The following ITGA2B variants were observed in gnomAD, a reference collection of about 807,000 sequenced individuals.
ITGA2B encodes the protein integrin alpha-IIb.
ITGA2B carries 91 observed loss-of-function variants against 142.0 expected under a neutral mutation model. The observed-to-expected ratio is 0.64, with a 90% CI of 0.54 to 0.76. The LOEUF is 0.76. Among genes scored for constraint, ITGA2B ranks in the 30% least tolerant of loss-of-function variants. The pLI, the probability that ITGA2B is intolerant of heterozygous loss-of-function variation, is 0.00. For missense variants in ITGA2B, 1,231 were observed against 1,350.8 expected, an observed-to-expected ratio of 0.91 and a Z score of 1.39; for synonymous variants, 536 against 567.2, an observed-to-expected ratio of 0.94 and a Z score of 0.78.
rs772502781 is a variant in ITGA2B at position 44,375,888 on chromosome 17, A to G, written c.2546T>C (p.Ile849Thr). Residue 849 changes from isoleucine to threonine, a missense_variant, in exon 25 of 30, where the codon ATA becomes ACA. Coordinates refer to ENST00000262407, the MANE Select transcript of ITGA2B (RefSeq NM_000419.5). ...QPSDLLYILD[I>T]QPQGGLQCFP... ...GCACTGAAGGCCCCCCTGGGGCTGT[A>G]TATCCAGGATGTAGAGCAGGTCGGA... 6.2e-7 allele frequency: 1 copy of G among 1,609,276 alleles called. No individual in the cohort carries two copies. The highest frequency in any genetic ancestry group is 1.3e-5 in the African/African-American group (1 of 74,896).
chr17:44,379,666 G>GGCCTGTCCCT (rs764584510), intron 18 of ITGA2B, 23 bp downstream of exon 18: 2 of 1,613,604 alleles, frequency 1.2e-6, no homozygotes, highest in African/African-American at 2.7e-5. Context: ...GCACCTCCCT[G>GGCCTGTCCCT]GCCTGTCCCT....
Position 44,385,722 on chromosome 17 carries a change from G to A in ITGA2B, c.409-6C>T. The A allele has an allele frequency of 1.2e-6, 2 of 1,613,614 alleles. No individual in the cohort carries two copies. The highest frequency in any genetic ancestry group is 2.7e-5 in the African/African-American group (2 of 75,062). On this transcript the variant is annotated splice_region_variant and splice_polypyrimidine_tract_variant and intron_variant, in intron 3 of 29. Transcript: ENST00000262407. ...TGCTGCCAGGGGGCGCAGGCCTGGA[G>A]AAAGGCCACAGGAGTGGGGACGGGC...
In ITGA2B at chr17:44,383,721, T is replaced by C; in HGVS notation, c.999-17A>G. On this transcript the variant is annotated splice_polypyrimidine_tract_variant and intron_variant, in intron 11 of 29. Transcript: ENST00000262407. ...TCATGCCTCCTGTGGGCCAGATGAG[T>C]GGTTACATGGGACTGGACCAGGGGT... 1.3e-6 allele frequency: 2 copies of C among 1,562,698 alleles called. No homozygotes were observed. Among genetic ancestry groups the C allele is most frequent in the Non-Finnish European group, 1.7e-6 (2 of 1,153,110 alleles).
intron 21 of ITGA2B, among the ~76,000 whole-genome samples, chr17:44,377,320 C>T (rs754729428): frequency 4.6e-5 from 7 of 152,030 alleles, no homozygotes; most frequent in South Asian, 2.1e-4. Flanking sequence ...CTCAACCTCC[C>T]GAGTAGCTCT....
At chr17:44,375,142 G>A in intron 26 of ITGA2B, 31 bp from the exon 27 acceptor site, 1 of 1,525,104 alleles carries the variant, frequency 6.6e-7, no homozygotes, top group South Asian at 1.2e-5. Flanking sequence ...TCCCCAGCCC[G>A]TCCCGGCCCA....
intron 4 of ITGA2B, 91 bp downstream of exon 4, chr17:44,385,460 A>G: frequency 6.6e-7 from 1 of 1,522,878 alleles, no homozygotes; most frequent in Non-Finnish European, 8.8e-7. Flanking sequence ...GCCAGATCCA[A>G]AGCAAGGGCT....
At chr17:44,385,760 C>A in intron 3 of ITGA2B, 44 bp from the exon 4 acceptor site, 1 of 1,613,028 alleles carries the variant, frequency 6.2e-7, no homozygotes, top group South Asian at 1.1e-5. Context: ...GAGACTTGGG[C>A]TCCTCCTGGC....
At chr17:44,387,029 G>C (rs1473599735) in intron 1 of ITGA2B, among the ~76,000 whole-genome samples, 5 of 152,092 alleles carry the variant, frequency 3.3e-5, no homozygotes, top group Non-Finnish European at 7.4e-5. Flanking sequence ...GGGAGGCCAA[G>C]GGATTACAGG....
At chr17:44,376,555 G>C (rs1218832168) in intron 22 of ITGA2B, among the ~76,000 whole-genome samples, 167 bp from the exon 23 acceptor site, 3 of 152,058 alleles carry the variant, frequency 2.0e-5, no homozygotes, top group African/African-American at 7.2e-5. Context: ...CCAAGACTCA[G>C]ACATAAATCT....
At chr17:44,385,512 G>A (rs1453185558) in intron 4 of ITGA2B, 39 bp downstream of exon 4, 2 of 1,536,468 alleles carry the variant, frequency 1.3e-6, no homozygotes, top group Non-Finnish European at 1.7e-6. Flanking sequence ...GGGCCAAGCC[G>A]TCGCGAGTGG....
rs2048503685 is a variant in ITGA2B at position 44,372,287 on chromosome 17, T to C, written c.*77A>G. ...AATGGAACAGCTCCAACCCAAAGCT[T>C]GGAGGCAACTTGTTGGAGAAGGGGC... On this transcript the variant is annotated 3_prime_UTR_variant, in exon 30 of 30. Coordinates refer to ENST00000262407, the MANE Select transcript of ITGA2B (RefSeq NM_000419.5). 1 of 1,496,490 alleles carries C rather than the reference T, an allele frequency of 6.7e-7. No homozygotes were observed. Among genetic ancestry groups the C allele is most frequent in the Non-Finnish European group, 9.3e-7 (1 of 1,074,326 alleles). 92.7% of individuals were successfully genotyped at this position (1,496,490 alleles called of 1,614,324 possible).
At chr17:44,385,454 G>C (rs1199612813) in intron 4 of ITGA2B, 97 bp downstream of exon 4, 1 of 1,518,848 alleles carries the variant, frequency 6.6e-7, no homozygotes, top group Admixed American at 2.0e-5. Context: ...GGCGAGGCCA[G>C]ATCCAAAGCA....
intron 22 of ITGA2B, 95 bp downstream of exon 22, chr17:44,376,914 C>G: frequency 1.9e-6 from 2 of 1,030,238 alleles, no homozygotes; most frequent in Admixed American, 2.0e-5. Flanking sequence ...CGCCTGGCCT[C>G]GAAAGACCCT....
At position 44,389,441 on chromosome 17, in the gene ITGA2B, G is replaced by A. The variant is rs2143507319; in HGVS notation, c.33C>T (p.Leu11=). 4.3e-6 allele frequency: 7 copies of A among 1,614,066 alleles called. No individual in the cohort carries two copies. Among genetic ancestry groups the A allele is most frequent in the Non-Finnish European group, 5.9e-6 (7 of 1,180,016 alleles). MARALCPLQA[L]WLLEWVLLLL... ...GCAGCAGCACCCACTCCAGAAGCCA[G>A]AGGGCTTGCAGTGGACACAAAGCTC... Residue 11 remains leucine (L), a synonymous_variant, in exon 1 of 30, where the codon CTC becomes CTT. Transcript: ENST00000262407.
intron 1 of ITGA2B, among the ~76,000 whole-genome samples, chr17:44,388,639 C>T (rs1000576229): frequency 2.6e-5 from 4 of 151,978 alleles, no homozygotes; most frequent in African/African-American, 9.7e-5. Context: ...CTACCTCAGC[C>T]TCCCGAGTAG....
chr17:44,374,962 G>T, intron 27 of ITGA2B, 36 bp downstream of exon 27: 1 of 1,360,120 alleles, frequency 7.4e-7, no homozygotes, highest in Non-Finnish European at 1.0e-6. Flanking sequence ...TCCCCGCCCA[G>T]AAGGCCCGGC....
Position 44,376,183 on chromosome 17 carries a change from TC to T in ITGA2B, c.2349del (p.Asn784ThrfsTer42). Reference protein sequence around the residue: ...VRAEAQVELRGNSFPASLVVA... With the variant: ...VRAEAQVELRXNSFPASLVVA... Reference sequence around the variant, plus strand: ...ACCACCAGGGAGGCTGGAAAGGAGTTCCTGCAGGTGCCCAAGACCCCCAGAG... The same window carrying T: ...ACCACCAGGGAGGCTGGAAAGGAGTTCTGCAGGTGCCCAAGACCCCCAGAG... On this transcript the variant is annotated frameshift_variant and splice_region_variant, in exon 24 of 30. Coordinates refer to ENST00000262407, the MANE Select transcript of ITGA2B (RefSeq NM_000419.5). LOFTEE classifies it high-confidence loss of function. 1.2e-6 allele frequency: 2 copies of T among 1,614,090 alleles called. No homozygotes were observed. The highest frequency in any genetic ancestry group is 1.7e-6 in the Non-Finnish European group (2 of 1,180,008).
intron 18 of ITGA2B, 152 bp from the exon 19 acceptor site, chr17:44,378,862 G>A (rs1490963808): frequency 2.0e-5 from 14 of 684,366 alleles, no homozygotes; most frequent in Middle Eastern, 2.5e-4. Context: ...AGATGGTATC[G>A]GGGCTCGGGT....
chr17:44,375,325 C>A, intron 26 of ITGA2B: 1 of 641,874 alleles, frequency 1.6e-6, no homozygotes. Context: ...CATCCCCCAG[C>A]GCACAATGCT....
Sources: gnomAD v4.1 joint callset for allele counts (sites outside exome capture counted in the v4.1 genomes callset) on GRCh38, gnomAD v4.1.1 for gene constraint, MANE v1.5 for transcripts, NCBI Gene and HGNC (gene_info 2026-07-23, HGNC 2026-07-21) for gene names.